Variants in FRRS1 observed in about 807,000 individuals in gnomAD.
FRRS1 encodes ferric chelate reductase 1.
Under a neutral mutation model 70.7 loss-of-function variants are expected in FRRS1, and 51 were observed. That is an observed-to-expected ratio of 0.72 (90% CI 0.58 to 0.91). The LOEUF is 0.91. Among genes scored for constraint, FRRS1 ranks in the 40% least tolerant of loss-of-function variants. The probability of loss-of-function intolerance (pLI) is 0.00; values close to 1 mark genes in which losing one functional copy is unlikely to be tolerated. For missense variants in FRRS1, 672 were observed against 726.0 expected, an observed-to-expected ratio of 0.93 and a Z score of 0.86; for synonymous variants, 225 against 238.7, an observed-to-expected ratio of 0.94 and a Z score of 0.53.
chr1:99,754,506 A>AG (rs1656732256), intron 1 of FRRS1, among the ~76,000 whole-genome samples: 4 of 101,078 alleles, frequency 4.0e-5, no homozygotes, highest in Non-Finnish European at 7.6e-5. Flanking sequence ...AGAGAGAGAG[A>AG]AAGAGAGAGA....
chr1:99,765,063 T>C (rs1442326911), intron 1 of FRRS1, among the ~76,000 whole-genome samples: 2 of 152,198 alleles, frequency 1.3e-5, no homozygotes, highest in Non-Finnish European at 2.9e-5. Context: ...ACTCATACAG[T>C]GTGATTGTTA....
chr1:99,720,587 G>A (rs1440317054), intron 9 of FRRS1, among the ~76,000 whole-genome samples: 1 of 151,726 alleles, frequency 6.6e-6, no homozygotes, highest in Non-Finnish European at 1.5e-5. Context: ...AAGGATACAG[G>A]TTATATTATC....
intron 7 of FRRS1, among the ~76,000 whole-genome samples, chr1:99,735,170 G>A (rs1304309395): frequency 6.6e-6 from 1 of 152,138 alleles, no homozygotes; most frequent in Non-Finnish European, 1.5e-5. Flanking sequence ...CGATATTGAA[G>A]GAAATGATAT....
intron 9 of FRRS1, among the ~76,000 whole-genome samples, chr1:99,724,239 A>C (rs1393423871): frequency 6.6e-6 from 1 of 152,252 alleles, no homozygotes; most frequent in African/African-American, 2.4e-5. Flanking sequence ...GTTCATGCTT[A>C]GTGCAAGAAC....
intron 15 of FRRS1, among the ~76,000 whole-genome samples, chr1:99,710,062 G>C (rs540698143): frequency 7.4e-4 from 113 of 152,268 alleles, no homozygotes; most frequent in Non-Finnish European, 1.1e-3. Flanking sequence ...ATCAAAAGTA[G>C]CAGGACAGAT....
At chr1:99,723,084 C>T (rs1453259824) in intron 9 of FRRS1, among the ~76,000 whole-genome samples, 1 of 151,692 alleles carries the variant, frequency 6.6e-6, no homozygotes, top group Non-Finnish European at 1.5e-5. Flanking sequence ...ACAAAGTAAC[C>T]AAATATATAT....
rs1412622476 is a variant in FRRS1 at position 99,717,518 on chromosome 1, T to C, written c.1128A>G (p.Leu376=). 2.5e-6 allele frequency: 4 copies of C among 1,607,174 alleles called. No individual in the cohort carries two copies. The Admixed American group carries it at 6.7e-5, about 27-fold the overall frequency. The change falls in exon 11 of 17, where the codon TTA becomes TTG. Residue 376 remains leucine (L), a synonymous_variant. Transcript: ENST00000646001. ...CAGTAGTCATCCATGCCACAAACAT[T>C]AAGGCACCTACAAGTGAGATAAATG... ...SVLLLKVHGA[L]MFVAWMTTVS...
At position 99,742,203 on chromosome 1, in the gene FRRS1, C is replaced by G; in HGVS notation, c.404G>C (p.Ser135Thr). ...EIKVYWNAPS[S>T]APNHTQFLVT... is the part of the protein sequence containing the mutation. The stretch of plus-strand genomic sequence containing the variant: ...CAGAAACTGTGTGTGATTTGGAGCA[C>G]TGCTTGGAGCATTCCAGTAGACTTT... The change falls in exon 5 of 17, where the codon AGT (serine) becomes ACT (threonine). Residue 135 changes from serine to threonine, a missense_variant. Transcript: ENST00000646001. 6.2e-7 allele frequency: 1 copy of G among 1,609,452 alleles called. No individual in the cohort carries two copies. Among genetic ancestry groups the G allele is most frequent in the Non-Finnish European group, 8.5e-7 (1 of 1,175,810 alleles).
At chr1:99,728,247 A>G (rs535121324) in intron 9 of FRRS1, among the ~76,000 whole-genome samples, 3 of 151,760 alleles carry the variant, frequency 2.0e-5, no homozygotes, top group Admixed American at 6.5e-5. Flanking sequence ...GGTCACATGC[A>G]TTTTACTAAT....
chr1:99,704,475 A>C lies in FRRS1; in HGVS notation c.*4553T>G, dbSNP rs2100887018. ...TAAATAACAGGAAAGGAGGGAAAGGAAGTGCTGGGTAGAGGAGGGCGTGGT... is the reference window on the plus strand; with the variant it reads ...TAAATAACAGGAAAGGAGGGAAAGGCAGTGCTGGGTAGAGGAGGGCGTGGT... On this transcript the variant is annotated 3_prime_UTR_variant, in exon 17 of 17. Coordinates refer to ENST00000646001, the MANE Select transcript of FRRS1 (RefSeq NM_001361041.2). Among the ~76,000 whole-genome samples the C allele has an allele frequency of 6.6e-6, 1 of 152,146 alleles. No individual in the cohort carries two copies. The highest frequency in any genetic ancestry group is 2.1e-4 in the South Asian group (1 of 4,822).
At chr1:99,748,210 C>G (rs112597251) in intron 3 of FRRS1, 12 of 165,292 alleles carry the variant, frequency 7.3e-5, no homozygotes, top group African/African-American at 2.9e-4. Flanking sequence ...AATAATCAGC[C>G]TACATTTTAC....
At position 99,719,637 on chromosome 1, in the gene FRRS1, G is replaced by A. The variant is rs1654715185; in HGVS notation, c.1017C>T (p.Tyr339=). 6.3e-7 allele frequency: 1 copy of A among 1,576,026 alleles called. No individual in the cohort carries two copies. The highest frequency in any genetic ancestry group is 8.7e-7 in the Non-Finnish European group (1 of 1,149,250). The change falls in exon 10 of 17, where the codon TAC becomes TAT. Residue 339 remains tyrosine (Y), a synonymous_variant. Coordinates refer to ENST00000646001, the MANE Select transcript of FRRS1 (RefSeq NM_001361041.2). ...TAATCAAAGGTTGCTGAGAGTGCTT[G>A]TAAATTCGACCTGCAAATTAAAAAC... is the stretch of plus-strand genomic sequence containing the variant. The part of the protein sequence containing the change: ...ADGAANDGRI[Y]KHSQQPLITY...
chr1:99,762,832 T>C (rs543518290), intron 1 of FRRS1, among the ~76,000 whole-genome samples: 58 of 152,256 alleles, frequency 3.8e-4, no homozygotes, highest in African/African-American at 1.4e-3. Context: ...AGATTCTACC[T>C]CCACCAATTC....
chr1:99,733,494 A>C (rs1174727413), intron 7 of FRRS1, among the ~76,000 whole-genome samples: 4 of 152,240 alleles, frequency 2.6e-5, no homozygotes, highest in Admixed American at 6.5e-5. Flanking sequence ...GTTACACCAG[A>C]AACAAAGACA....
At position 99,738,255 on chromosome 1, in the gene FRRS1, T is replaced by G. The variant is rs762468383; in HGVS notation, c.590A>C (p.Asp197Ala). 8 of 1,597,048 alleles carry G rather than the reference T, an allele frequency of 5.0e-6. No homozygotes were observed. The highest frequency in any genetic ancestry group is 3.3e-4 in the Middle Eastern group (2 of 5,984). ...AATACAGAACTTCTTGTTCCCACAA[T>G]CTGAGGCACTGAACTAGAAAAATGA... ...SHLTKPFSAS[D>A]CGNKKFCIRS... Residue 197 changes from aspartate (D) to alanine (A), a missense_variant, in exon 7 of 17, where the codon GAT becomes GCT. Coordinates refer to ENST00000646001, the MANE Select transcript of FRRS1 (RefSeq NM_001361041.2).
At chr1:99,735,862 G>A (rs1392122562) in intron 7 of FRRS1, among the ~76,000 whole-genome samples, 1 of 152,110 alleles carries the variant, frequency 6.6e-6, no homozygotes, top group African/African-American at 2.4e-5. Flanking sequence ...TTGCTTACAG[G>A]TTTTACGTAA....
chr1:99,750,884 T>C (rs1656538820), intron 1 of FRRS1, among the ~76,000 whole-genome samples: 1 of 152,154 alleles, frequency 6.6e-6, no homozygotes. Context: ...AATAAAAAAC[T>C]ACATCTAGGT....
chr1:99,709,323 A>C (rs1179298960), intron 15 of FRRS1, 64 bp from the exon 16 acceptor site: 2 of 1,198,518 alleles, frequency 1.7e-6, no homozygotes, highest in African/African-American at 3.1e-5. Context: ...AATTTTTTAA[A>C]AAAACCTGAT....
intron 5 of FRRS1, 94 bp from the exon 6 acceptor site, chr1:99,741,034 A>T: frequency 8.5e-7 from 1 of 1,170,178 alleles, no homozygotes. Flanking sequence ...AGACTAAACT[A>T]GAAAAACATG....
Sources: allele counts gnomAD v4.1 joint callset (sites outside exome capture counted in the v4.1 genomes callset), GRCh38; gene constraint gnomAD v4.1.1; transcripts MANE v1.5; gene names NCBI Gene and HGNC (gene_info 2026-07-23, HGNC 2026-07-21).